Variants in GRM8 observed in about 807,000 individuals in gnomAD.
GRM8 encodes the protein metabotropic glutamate receptor 8.
A neutral mutation model predicts 87.2 loss-of-function variants in GRM8; 47 were observed. The ratio of observed to expected loss-of-function variants is 0.54; its 90% CI spans 0.43 to 0.69. GRM8 has a LOEUF of 0.69. GRM8 is among the 30% of genes least tolerant of loss of function. The probability of loss-of-function intolerance (pLI) is 0.00; values close to 1 mark genes in which losing one functional copy is unlikely to be tolerated. For synonymous variants in GRM8, 396 were observed against 404.5 expected (o/e 0.98, Z 0.25); for missense variants, 1,019 against 1,139.2 (o/e 0.89, Z 1.52).
At chr7:126,890,635 C>T (rs1042429779) in intron 6 of GRM8, among the ~76,000 whole-genome samples, 2 of 151,992 alleles carry the variant, frequency 1.3e-5, no homozygotes, top group Admixed American at 6.6e-5. Context: ...CCTTTCACTC[C>T]CATTTTAGAT....
intron 9 of GRM8, among the ~76,000 whole-genome samples, chr7:126,486,046 A>C (rs1807319488): frequency 6.6e-6 from 1 of 152,060 alleles, no homozygotes; most frequent in African/African-American, 2.4e-5. Context: ...CTAGTAGGTA[A>C]ACAAGCCCTG....
intron 9 of GRM8, among the ~76,000 whole-genome samples, chr7:126,513,411 A>G (rs1410629342): frequency 6.6e-6 from 1 of 152,118 alleles, no homozygotes; most frequent in Non-Finnish European, 1.5e-5. Context: ...TAGTTAAACT[A>G]GATAGCTTTC....
intron 6 of GRM8, among the ~76,000 whole-genome samples, chr7:126,813,304 G>A (rs527688531): frequency 6.6e-6 from 1 of 152,142 alleles, no homozygotes; most frequent in South Asian, 2.1e-4. Flanking sequence ...CCAAGGTTAT[G>A]AGCCTAATTA....
intron 7 of GRM8, among the ~76,000 whole-genome samples, chr7:126,623,458 A>G (rs1310835962): frequency 2.0e-5 from 3 of 152,212 alleles, no homozygotes; most frequent in Non-Finnish European, 4.4e-5. Context: ...ACTACAGCTT[A>G]TCACAATTCA....
At chr7:127,109,208 A>G (rs1826107584) in intron 2 of GRM8, among the ~76,000 whole-genome samples, 1 of 152,218 alleles carries the variant, frequency 6.6e-6, no homozygotes, top group African/African-American at 2.4e-5. Flanking sequence ...AGCAATGGAA[A>G]AAAAGGTGGT....
intron 2 of GRM8, among the ~76,000 whole-genome samples, chr7:127,179,144 T>C (rs1794289408): frequency 2.0e-5 from 3 of 151,770 alleles, no homozygotes; most frequent in Admixed American, 2.0e-4. Flanking sequence ...CACATAAACT[T>C]AAAAGGGTAG....
intron 3 of GRM8, among the ~76,000 whole-genome samples, chr7:127,053,808 G>GGGAA (rs57669424): frequency 1.7e-5 from 2 of 121,132 alleles, no homozygotes; most frequent in Non-Finnish European, 3.5e-5. Flanking sequence ...AGGGGGGGGG[G>GGGAA]AATATACATT....
intron 3 of GRM8, among the ~76,000 whole-genome samples, chr7:126,939,817 C>T (rs1025106852): frequency 3.3e-5 from 5 of 152,210 alleles, no homozygotes; most frequent in South Asian, 4.1e-4. Context: ...AGTCAAATAG[C>T]TTGCATGAGA....
In GRM8 at chr7:126,685,230, G is replaced by A. The variant is rs1268604611; in HGVS notation, c.1358-75732C>T. Among the ~76,000 whole-genome samples, 1 of 152,208 alleles carries A rather than the reference G, an allele frequency of 6.6e-6. No homozygotes were observed. Among genetic ancestry groups the A allele is most frequent in the Non-Finnish European group, 1.5e-5 (1 of 68,028 alleles). On this transcript the variant is annotated intron_variant, in intron 7 of 10. Transcript: ENST00000339582. The surrounding 1 kb of genome is among the most constrained non-coding windows in gnomAD (Gnocchi z 4.2). ...GACCCCCTGGAGCCTACCACCCTGG[G>A]GGCCACCATGATGGGGCCGGGCCAA...
At chr7:126,815,772 T>C (rs1793730434) in intron 6 of GRM8, among the ~76,000 whole-genome samples, 1 of 152,148 alleles carries the variant, frequency 6.6e-6, no homozygotes, top group African/African-American at 2.4e-5. Context: ...GTCATAGTGC[T>C]CATGATGCTG....
chr7:126,479,952 G>A (rs1024402074), intron 9 of GRM8, among the ~76,000 whole-genome samples: 2 of 152,032 alleles, frequency 1.3e-5, no homozygotes, highest in Non-Finnish European at 2.9e-5. Flanking sequence ...GACCCAGAGG[G>A]AAAAAAATCA....
intron 2 of GRM8, among the ~76,000 whole-genome samples, chr7:127,242,491 A>G (rs530506878): frequency 6.6e-6 from 1 of 152,326 alleles, no homozygotes; most frequent in African/African-American, 2.4e-5. Context: ...AAGAGTCAAA[A>G]TTAATCCAGT....
intron 2 of GRM8, among the ~76,000 whole-genome samples, chr7:127,228,061 CAGCAGGACTGTGTTTAGAGAA>C (rs966198024): frequency 4.6e-5 from 7 of 152,204 alleles, no homozygotes; most frequent in Non-Finnish European, 1.0e-4. Context: ...GTTAAACTAA[CAGCAGGACTGTGTTTAGAGAA>C]AGGAAACCAT....
At chr7:126,707,854 G>C (rs1479470634) in intron 7 of GRM8, among the ~76,000 whole-genome samples, 1 of 151,976 alleles carries the variant, frequency 6.6e-6, no homozygotes, top group Non-Finnish European at 1.5e-5. Context: ...TTTTTGGCTA[G>C]AACACCAAGA....
At chr7:126,728,049 A>T (rs1238824405) in intron 7 of GRM8, among the ~76,000 whole-genome samples, 1 of 152,146 alleles carries the variant, frequency 6.6e-6, no homozygotes, top group Non-Finnish European at 1.5e-5. Context: ...TGTGAACCTC[A>T]TTTTAAGAAA....
intron 2 of GRM8, among the ~76,000 whole-genome samples, chr7:127,164,670 T>A (rs1455525133): frequency 1.3e-5 from 2 of 152,272 alleles, no homozygotes; most frequent in Admixed American, 1.3e-4. Context: ...ACCTCTTTCA[T>A]AGCCATCGTA....
Position 127,232,183 on chromosome 7 carries a change from T to TTGTGTGTGTGTGTGTGTGTG in GRM8, c.510+10492_510+10511dup, listed in dbSNP as rs71529431. On this transcript the variant is annotated intron_variant, in intron 2 of 10. Transcript: ENST00000339582. Reference sequence around the variant, plus strand: ...ACCTGCCATCAGTTCTGTTTCTTCTTTGTGTGTGTGTGTGTGTGTGTGTGT... The same window carrying TTGTGTGTGTGTGTGTGTGTG: ...ACCTGCCATCAGTTCTGTTTCTTCTTTGTGTGTGTGTGTGTGTGTGTGTGTGTGTGTGTGTGTGTGTGTGT... 2.6e-3 allele frequency among the ~76,000 whole-genome samples: 338 copies of TTGTGTGTGTGTGTGTGTGTG among 129,656 alleles called. 2 individuals are homozygous for TTGTGTGTGTGTGTGTGTGTG. Among genetic ancestry groups the TTGTGTGTGTGTGTGTGTGTG allele is most frequent in the African/African-American group, 3.3e-3 (107 of 32,202 alleles). The allele number at this position is 129,656 out of a possible 152,430, so 85.1% of individuals were successfully genotyped here. A position where few individuals can be genotyped will look rare whatever the true frequency, so the allele number is the denominator to read the frequency against.
chr7:126,630,436 T>C lies in GRM8; in HGVS notation c.1358-20938A>G, dbSNP rs536105030. ...AGGACCAGACATATTAGCAACTGAATTGGTATCTACCAGAGGTACAAAGAA... is the reference window on the plus strand; with the variant it reads ...AGGACCAGACATATTAGCAACTGAACTGGTATCTACCAGAGGTACAAAGAA... On this transcript the variant is annotated intron_variant, in intron 7 of 10. Coordinates refer to ENST00000339582, the MANE Select transcript of GRM8 (RefSeq NM_000845.3). Among the ~76,000 whole-genome samples, 44 of 152,190 alleles carry C rather than the reference T, an allele frequency of 2.9e-4. 1 individual carries two copies. In the South Asian group the frequency reaches 9.1e-3, roughly 32 times the overall value.
intron 9 of GRM8, among the ~76,000 whole-genome samples, chr7:126,523,199 C>G (rs990609977): frequency 6.6e-6 from 1 of 152,054 alleles, no homozygotes; most frequent in African/African-American, 2.4e-5. Flanking sequence ...TATCAAAAGC[C>G]CCTAATATGA....
Sources: allele counts gnomAD v4.1 joint callset (sites outside exome capture counted in the v4.1 genomes callset), GRCh38; gene constraint gnomAD v4.1.1; non-coding constraint Gnocchi (gnomAD v3.1); transcripts MANE v1.5; gene names NCBI Gene and HGNC (gene_info 2026-07-23, HGNC 2026-07-21).